HTRA4: variants seen among roughly 807,000 people sequenced by gnomAD.
The protein encoded by HTRA4 is serine protease HTRA4.
In HTRA4, 46 loss-of-function variants were observed where a neutral mutation model predicts 49.1. The ratio of observed to expected loss-of-function variants is 0.94; its 90% CI spans 0.74 to 1.20. The LOEUF is 1.20. Ranked by LOEUF, HTRA4 falls within the 50% of genes most tolerant of loss-of-function variation. HTRA4 has a pLI of 0.00. For missense variants in HTRA4, 602 were observed against 636.9 expected, an observed-to-expected ratio of 0.95 and a Z score of 0.59; for synonymous variants, 261 against 264.0, an observed-to-expected ratio of 0.99 and a Z score of 0.11.
intron 8 of HTRA4, among the ~76,000 whole-genome samples, chr8:38,984,884 C>G (rs1835466082): frequency 6.6e-6 from 1 of 152,140 alleles, no homozygotes; most frequent in Non-Finnish European, 1.5e-5. Context: ...CCACTGCACT[C>G]CAGCCTGTGC....
chr8:38,981,744 A>G lies in HTRA4; in HGVS notation c.1091A>G (p.Glu364Gly). 6.2e-7 allele frequency: 1 copy of G among 1,613,148 alleles called. No individual in the cohort carries two copies. The highest frequency in any genetic ancestry group is 1.3e-5 in the African/African-American group (1 of 74,832). Residue 364 changes from glutamate (E) to glycine (G), a missense_variant, in exon 6 of 9, where the codon GAA (glutamate) becomes GGA (glycine). By Grantham distance (98) the Glu-to-Gly change is moderately conservative. Coordinates refer to ENST00000302495, the MANE Select transcript of HTRA4 (RefSeq NM_153692.4). ...PSDRVRQFLA[E>G]YHEHQMKGKA... ...GATCGAGTTAGGCAGTTCTTGGCAG[A>G]ATACCATGAGCACCAGATGAAAGGT...
intron 8 of HTRA4, among the ~76,000 whole-genome samples, chr8:38,985,418 C>G (rs898130874): frequency 6.6e-6 from 1 of 152,220 alleles, no homozygotes; most frequent in Non-Finnish European, 1.5e-5. Context: ...CTCGGGCTCC[C>G]AAAGTGCTGG....
chr8:38,979,629 C>T (rs1030581885), intron 5 of HTRA4, among the ~76,000 whole-genome samples: 1 of 151,998 alleles, frequency 6.6e-6, no homozygotes, highest in African/African-American at 2.4e-5. Context: ...TTCTCTCTTC[C>T]CCGTGCTTTC....
At chr8:38,986,977 A>G (rs1038787508) in intron 8 of HTRA4, among the ~76,000 whole-genome samples, 10 of 152,206 alleles carry the variant, frequency 6.6e-5, no homozygotes, top group South Asian at 4.1e-4. Flanking sequence ...TAAGTTCTCT[A>G]TAAGTTCTTT....
intron 8 of HTRA4, among the ~76,000 whole-genome samples, chr8:38,986,845 T>A (rs1588295922): frequency 6.6e-6 from 1 of 152,206 alleles, no homozygotes; most frequent in Admixed American, 6.5e-5. Context: ...ACAAGTTGCA[T>A]GACACAGAAA....
At chr8:38,978,250 C>T (rs1026486321) in intron 4 of HTRA4, 103 bp downstream of exon 4, 6 of 1,004,004 alleles carry the variant, frequency 6.0e-6, no homozygotes, top group East Asian at 5.3e-5. Context: ...GAGCCATGGG[C>T]GAGTGAGAAT....
intron 8 of HTRA4, among the ~76,000 whole-genome samples, chr8:38,984,128 G>A (rs570449094): frequency 3.9e-5 from 6 of 152,008 alleles, no homozygotes; most frequent in East Asian, 2.0e-4. Context: ...AGCCTCCCGA[G>A]TAGCTGGGAT....
chr8:38,977,932 T>C (rs752181955), intron 3 of HTRA4, 21 bp from the exon 4 acceptor site: 4 of 1,610,540 alleles, frequency 2.5e-6, no homozygotes, highest in Non-Finnish European at 3.4e-6. Flanking sequence ...GTCCTCCCCA[T>C]CCCTTTTTGG....
In HTRA4 at chr8:38,974,816, C is replaced by A; in HGVS notation, c.466+87C>A. ...AAGACCTCACTGAGACCGCACAGTT[C>A]GCGCCTGGTCCTCCTGCGTCATTTG... On this transcript the variant is annotated intron_variant, in intron 1 of 8. Coordinates refer to ENST00000302495, the MANE Select transcript of HTRA4 (RefSeq NM_153692.4). 5 of 1,288,430 alleles carry A rather than the reference C, an allele frequency of 3.9e-6. No homozygotes were observed. The South Asian group carries it at 4.5e-5, about 12-fold the overall frequency. The allele number at this position is 1,288,430 out of a possible 1,614,324, so 79.8% of individuals were successfully genotyped here.
intron 8 of HTRA4, among the ~76,000 whole-genome samples, chr8:38,987,397 G>A (rs73674672): frequency 7.0e-6 from 1 of 143,228 alleles, no homozygotes; most frequent in African/African-American, 2.5e-5. Flanking sequence ...GAAGGTTGGC[G>A]GGTTTTTGAT....
In HTRA4 at chr8:38,982,539, C is replaced by T; in HGVS notation, c.1156C>T (p.Leu386=). The part of the protein sequence containing the change: ...SNKKYLGLQM[L]SLTVPLSEEL... ...TAAGAAATATCTGGGTCTGCAAATG[C>T]TGTCCCTCACTGTGCCGTAAGCATG... Residue 386 remains leucine, a synonymous_variant, in exon 7 of 9, where the codon CTG becomes TTG. Transcript: ENST00000302495. 3 of 1,614,134 alleles carry T rather than the reference C, an allele frequency of 1.9e-6. No homozygotes were observed. The highest frequency in any genetic ancestry group is 2.5e-6 in the Non-Finnish European group (3 of 1,179,988).
At chr8:38,983,120 G>A (rs1312360807) in intron 8 of HTRA4, 72 bp downstream of exon 8, 1 of 967,406 alleles carries the variant, frequency 1.0e-6, no homozygotes, top group Non-Finnish European at 1.6e-6. Context: ...AATGCATGGG[G>A]GATCCAGACT....
chr8:38,975,977 G>A (rs1835346281), intron 2 of HTRA4, among the ~76,000 whole-genome samples: 1 of 152,216 alleles, frequency 6.6e-6, no homozygotes, highest in Non-Finnish European at 1.5e-5. Context: ...CAGCTCTGAA[G>A]AAGCAGTGTC....
intron 8 of HTRA4, among the ~76,000 whole-genome samples, chr8:38,984,522 A>G (rs1285345656): frequency 6.6e-6 from 1 of 151,778 alleles, no homozygotes; most frequent in Non-Finnish European, 1.5e-5. Flanking sequence ...CAAAGTGGGC[A>G]GATCACTTGA....
In HTRA4 at chr8:38,981,722, C is replaced by CGAGTTA; in HGVS notation, c.1071_1076dup (p.Val358_Arg359dup). 1 of 1,612,986 alleles carries CGAGTTA rather than the reference C, an allele frequency of 6.2e-7. No homozygotes were observed. The highest frequency in any genetic ancestry group is 8.5e-7 in the Non-Finnish European group (1 of 1,179,858). Reference sequence around the variant, plus strand: ...AATCTCCTTTGCAATTCCTTCAGATCGAGTTAGGCAGTTCTTGGCAGAATA... The same window carrying CGAGTTA: ...AATCTCCTTTGCAATTCCTTCAGATCGAGTTAGAGTTAGGCAGTTCTTGGCAGAATA... On this transcript the variant is annotated inframe_insertion, in exon 6 of 9. Coordinates refer to ENST00000302495, the MANE Select transcript of HTRA4 (RefSeq NM_153692.4).
intron 6 of HTRA4, 104 bp downstream of exon 6, chr8:38,981,871 C>G (rs1835428650): frequency 1.3e-6 from 1 of 797,730 alleles, no homozygotes; most frequent in Non-Finnish European, 2.0e-6. Flanking sequence ...GTTTTTGAGA[C>G]AGAATTTTGC....
intron 8 of HTRA4, among the ~76,000 whole-genome samples, chr8:38,984,532 A>T (rs1282410043): frequency 6.6e-6 from 1 of 151,930 alleles, no homozygotes; most frequent in Non-Finnish European, 1.5e-5. Flanking sequence ...AGATCACTTG[A>T]GGTCAGGATT....
rs1377117927 is a variant in HTRA4, at chr8:38,974,523, C to T, written c.260C>T (p.Pro87Leu). ...GTCTGCGGCGGGGCGCAGGGCCAAC[C>T]GTGCGCCCCGGGGCTGCAGTGCCTC... ...REVCGGAQGQ[P>L]CAPGLQCLQP... Residue 87 changes from proline to leucine, a missense_variant, in exon 1 of 9, where the codon CCG becomes CTG. Coordinates refer to ENST00000302495, the MANE Select transcript of HTRA4 (RefSeq NM_153692.4). The T allele has an allele frequency of 2.1e-6, 3 of 1,436,656 alleles. No individual in the cohort carries two copies. The highest frequency in any genetic ancestry group is 1.5e-5 in the African/African-American group (1 of 66,392). The allele number at this position is 1,436,656 out of a possible 1,614,324, so 89.0% of individuals were successfully genotyped here.
In HTRA4 at chr8:38,988,404, C is replaced by G. The variant is rs183726052; in HGVS notation, c.*306C>G. The G allele has an allele frequency of 1.8e-4, 34 of 191,416 alleles. No individual in the cohort carries two copies. The East Asian group carries it at 5.1e-3, about 28-fold the overall frequency. 11.9% of individuals were successfully genotyped at this position (191,416 alleles called of 1,614,324 possible). On this transcript the variant is annotated 3_prime_UTR_variant, in exon 9 of 9. Transcript: ENST00000302495. ...CAGAAAACCAAATACTGCATGTTCT[C>G]ACTTATAAGTGGGAGCTGAACAATG...
Sources: allele counts gnomAD v4.1 joint callset (sites outside exome capture counted in the v4.1 genomes callset), GRCh38; gene constraint gnomAD v4.1.1; transcripts MANE v1.5; gene names NCBI Gene and HGNC (gene_info 2026-07-23, HGNC 2026-07-21).